Variants in CEP112 observed in about 807,000 individuals in gnomAD.
The protein encoded by CEP112 is centrosomal protein 112.
CEP112 carries 127 observed loss-of-function variants against 153.0 expected under a neutral mutation model. The ratio of observed to expected loss-of-function variants is 0.83; its 90% CI spans 0.72 to 0.96. CEP112 has a LOEUF of 0.96. CEP112 is among the 40% of genes least tolerant of loss of function. The pLI is 0.00. For missense variants in CEP112, 1,089 were observed against 1,101.2 expected, an observed-to-expected ratio of 0.99 and a Z score of 0.16; for synonymous variants, 358 against 374.4, an observed-to-expected ratio of 0.96 and a Z score of 0.51.
At chr17:65,806,058 G>A (rs2055579432) in intron 21 of CEP112, among the ~76,000 whole-genome samples, 1 of 152,172 alleles carries the variant, frequency 6.6e-6, no homozygotes, top group Non-Finnish European at 1.5e-5. Context: ...ACTACTGTTT[G>A]GTGAAATCAA....
chr17:66,153,468 CAAAA>C (rs11303537), intron 4 of CEP112, among the ~76,000 whole-genome samples: 2 of 123,678 alleles, frequency 1.6e-5, no homozygotes, highest in Non-Finnish European at 3.4e-5. Flanking sequence ...TAGAAAAGGC[CAAAA>C]AAAAAAAAAA....
At chr17:66,166,819 G>T (rs910785295) in intron 4 of CEP112, among the ~76,000 whole-genome samples, 4 of 150,528 alleles carry the variant, frequency 2.7e-5, no homozygotes, top group Non-Finnish European at 5.9e-5. Flanking sequence ...CAGAAGAATC[G>T]CTTGAACCCG....
intron 4 of CEP112, 107 bp from the exon 5 acceptor site, chr17:66,132,870 G>A (rs2070255919): frequency 1.3e-6 from 1 of 789,922 alleles, no homozygotes; most frequent in Non-Finnish European, 2.1e-6. Flanking sequence ...ATGATAGTTT[G>A]TATTAACAAT....
chr17:65,913,335 C>T (rs554764690), intron 19 of CEP112: 4 of 194,306 alleles, frequency 2.1e-5, no homozygotes, highest in African/African-American at 7.1e-5. Flanking sequence ...GGATACTTCA[C>T]TATATGAGAA....
chr17:65,866,367 G>T (rs1809015736), intron 20 of CEP112, among the ~76,000 whole-genome samples: 1 of 152,248 alleles, frequency 6.6e-6, no homozygotes, highest in African/African-American at 2.4e-5. Context: ...GGCCAAGGCG[G>T]GGCTGAGGGC....
chr17:65,790,990 GCTACC>G (rs1232546619), intron 21 of CEP112, among the ~76,000 whole-genome samples: 1 of 151,738 alleles, frequency 6.6e-6, no homozygotes, highest in African/African-American at 2.4e-5. Flanking sequence ...AGCACTGCAG[GCTACC>G]CTATCTATAT....
intron 21 of CEP112, among the ~76,000 whole-genome samples, chr17:65,774,358 G>T (rs2053558337): frequency 6.6e-6 from 1 of 152,104 alleles, no homozygotes; most frequent in African/African-American, 2.4e-5. Flanking sequence ...TAGGTCAGGG[G>T]TCCTCTGAGA....
intron 21 of CEP112, among the ~76,000 whole-genome samples, chr17:65,847,596 C>G (rs1028303591): frequency 6.6e-6 from 1 of 152,158 alleles, no homozygotes; most frequent in African/African-American, 2.4e-5. Flanking sequence ...TCATGTCATA[C>G]CCGGAGGGCA....
At chr17:66,078,983 T>G (rs2067612496) in intron 8 of CEP112, among the ~76,000 whole-genome samples, 1 of 152,164 alleles carries the variant, frequency 6.6e-6, no homozygotes, top group Non-Finnish European at 1.5e-5. Context: ...GGATTTCTGC[T>G]GAAACATACG....
chr17:65,997,192 CA>C (rs1387239273), intron 17 of CEP112, among the ~76,000 whole-genome samples: 1 of 152,146 alleles, frequency 6.6e-6, no homozygotes, highest in Non-Finnish European at 1.5e-5. Context: ...GCCTGGGCAA[CA>C]GAGTGAGACT....
At chr17:66,076,513 G>A (rs34163781) in intron 8 of CEP112, among the ~76,000 whole-genome samples, 54,769 of 151,860 alleles carry the variant, frequency 0.36, 10,978 homozygotes, top group Non-Finnish European at 0.45. Context: ...CCATTGACCT[G>A]GGAACCTCAC....
chr17:65,791,473 A>G (rs2054589158), intron 21 of CEP112, among the ~76,000 whole-genome samples: 2 of 152,332 alleles, frequency 1.3e-5, no homozygotes, highest in East Asian at 1.9e-4. Context: ...AACAGAGGGC[A>G]CTTCCCTAAG....
intron 21 of CEP112, among the ~76,000 whole-genome samples, chr17:65,837,290 T>G (rs971011582): frequency 2.6e-5 from 4 of 151,378 alleles, no homozygotes; most frequent in African/African-American, 9.7e-5. Flanking sequence ...GGAGCCCCTC[T>G]GCCCGGCCGC....
Position 65,970,838 on chromosome 17 carries a change from A to G in CEP112, c.1737-9240T>C, listed in dbSNP as rs372254013. Among the ~76,000 whole-genome samples the G allele has an allele frequency of 2.1e-4, 9 of 43,704 alleles. No homozygotes were observed. The East Asian group carries it at 0.1, about 498-fold the overall frequency. The allele number at this position is 43,704 out of a possible 152,430, so 28.7% of individuals were successfully genotyped here. A position where few individuals can be genotyped will look rare whatever the true frequency, so the allele number is the denominator to read the frequency against. ...CATGTATATTGCATGCATGCACATT[A>G]CATGCATATGTCATGTATATCTGCA... On this transcript the variant is annotated intron_variant, in intron 17 of 26. Transcript: ENST00000535342.
chr17:65,744,214 C>T (rs1271051995), intron 22 of CEP112, among the ~76,000 whole-genome samples: 1 of 151,474 alleles, frequency 6.6e-6, no homozygotes, highest in Non-Finnish European at 1.5e-5. Context: ...AACCTGCCGA[C>T]TTTATGGGTT....
At chr17:65,660,254 CTTTT>C (rs1031904166) in intron 24 of CEP112, among the ~76,000 whole-genome samples, 2 of 123,666 alleles carry the variant, frequency 1.6e-5, no homozygotes, top group African/African-American at 3.4e-5. Context: ...TGTTTTCTTT[CTTTT>C]TTCTTTTCTT....
At chr17:65,994,978 C>A (rs558456720) in intron 17 of CEP112, among the ~76,000 whole-genome samples, 10 of 152,120 alleles carry the variant, frequency 6.6e-5, no homozygotes, top group Admixed American at 3.3e-4. Flanking sequence ...TGTGCCCCTT[C>A]GGCACACTCA....
intron 8 of CEP112, among the ~76,000 whole-genome samples, chr17:66,077,236 T>A (rs1270649686): frequency 6.6e-6 from 1 of 151,688 alleles, no homozygotes; most frequent in African/African-American, 2.4e-5. Context: ...ATTCAGGAGG[T>A]TACTTATTAA....
chr17:65,707,846 G>A (rs1390831078), intron 23 of CEP112, among the ~76,000 whole-genome samples: 1 of 152,216 alleles, frequency 6.6e-6, no homozygotes, highest in Non-Finnish European at 1.5e-5. Flanking sequence ...AGAACTTCAT[G>A]TACTGTGAAA....
Sources: allele counts gnomAD v4.1 joint callset (sites outside exome capture counted in the v4.1 genomes callset), GRCh38; gene constraint gnomAD v4.1.1; transcripts MANE v1.5; gene names NCBI Gene and HGNC (gene_info 2026-07-23, HGNC 2026-07-21).